KCND2: variants seen among roughly 807,000 people sequenced by gnomAD.
KCND2 encodes potassium voltage-gated channel subfamily D member 2, also known as A-type voltage-gated potassium channel KCND2.
KCND2 carries 16 observed loss-of-function variants against 54.4 expected under a neutral mutation model. The observed-to-expected ratio is 0.29, with a 90% CI of 0.20 to 0.45. KCND2 has a LOEUF of 0.45. KCND2 is among the 20% of genes least tolerant of loss of function. KCND2 has a pLI of 1.00. For missense variants in KCND2, 486 were observed against 824.2 expected (o/e 0.59, Z 5.02); for synonymous variants, 317 against 310.7 (o/e 1.02, Z -0.21).
intron 1 of KCND2, among the ~76,000 whole-genome samples, chr7:120,334,644 A>G (rs1010721354): frequency 6.6e-6 from 1 of 152,186 alleles, no homozygotes; most frequent in African/African-American, 2.4e-5. Flanking sequence ...AGCATCATAG[A>G]TGGTATGCCA....
intron 1 of KCND2, among the ~76,000 whole-genome samples, chr7:120,662,215 C>T (rs1449710233): frequency 1.3e-5 from 2 of 152,066 alleles, no homozygotes; most frequent in Non-Finnish European, 2.9e-5. Context: ...AGTTTTTATC[C>T]TTGTCTACAC....
At chr7:120,425,915 C>G (rs1352943518) in intron 1 of KCND2, among the ~76,000 whole-genome samples, 2 of 151,292 alleles carry the variant, frequency 1.3e-5, no homozygotes, top group Non-Finnish European at 2.9e-5. Flanking sequence ...CCTCTTTCTC[C>G]TATGTTATTT....
chr7:120,429,210 C>A (rs1801757624), intron 1 of KCND2, among the ~76,000 whole-genome samples: 1 of 152,112 alleles, frequency 6.6e-6, no homozygotes, highest in African/African-American at 2.4e-5. Flanking sequence ...GATGTTATTT[C>A]TTTCCAAGAT....
At chr7:120,511,476 A>T (rs1803114404) in intron 1 of KCND2, among the ~76,000 whole-genome samples, 1 of 152,158 alleles carries the variant, frequency 6.6e-6, no homozygotes. Flanking sequence ...TGAATAATTA[A>T]TGAACAAATC....
At chr7:120,309,466 T>TACACAC (rs1194649529) in intron 1 of KCND2, among the ~76,000 whole-genome samples, 3 of 119,934 alleles carry the variant, frequency 2.5e-5, no homozygotes, top group Non-Finnish European at 3.5e-5. Context: ...TATATATATA[T>TACACAC]ATATATATAC....
intron 1 of KCND2, among the ~76,000 whole-genome samples, chr7:120,523,581 A>G (rs1791728324): frequency 6.7e-6 from 1 of 149,306 alleles, no homozygotes; most frequent in Admixed American, 6.7e-5. Context: ...AAAAAAAAAC[A>G]TACACACACA....
chr7:120,733,050 A>G lies in KCND2; in HGVS notation c.1263A>G (p.Lys421=). The change falls in exon 2 of 6, where the codon AAA becomes AAG. Residue 421 remains lysine (K), a synonymous_variant. Transcript: ENST00000331113. The stretch of plus-strand genomic sequence containing the variant: ...ACCACCAGAATCAACGAGCAGACAA[A>G]CGAAGGGCACAAAAGGTGCGTATTC... ...RIYHQNQRAD[K]RRAQKKARLA... 6.2e-7 allele frequency: 1 copy of G among 1,613,498 alleles called. No homozygotes were observed. The highest frequency in any genetic ancestry group is 8.5e-7 in the Non-Finnish European group (1 of 1,179,638).
intron 1 of KCND2, among the ~76,000 whole-genome samples, chr7:120,732,568 G>C (rs1584900278): frequency 6.6e-6 from 1 of 152,150 alleles, no homozygotes; most frequent in Non-Finnish European, 1.5e-5. Context: ...TTTCAGCATA[G>C]AATTATTGAG....
chr7:120,452,242 T>C (rs777217715), intron 1 of KCND2, among the ~76,000 whole-genome samples: 13 of 152,232 alleles, frequency 8.5e-5, no homozygotes, highest in Non-Finnish European at 1.5e-4. Flanking sequence ...TCTGCATCCT[T>C]GTGCAAGTTA....
intron 1 of KCND2, among the ~76,000 whole-genome samples, chr7:120,324,211 A>G (rs1262381376): frequency 6.7e-6 from 1 of 150,154 alleles, no homozygotes; most frequent in African/African-American, 2.5e-5. Context: ...CCTTTGTCAG[A>G]TGAGTAGGTT....
chr7:120,501,003 A>G (rs1802923402), intron 1 of KCND2, among the ~76,000 whole-genome samples: 1 of 152,006 alleles, frequency 6.6e-6, no homozygotes, highest in Admixed American at 6.6e-5. Flanking sequence ...AAAAAATACA[A>G]TGTCTACTCT....
intron 1 of KCND2, among the ~76,000 whole-genome samples, chr7:120,424,593 T>C (rs1055446302): frequency 6.6e-6 from 1 of 152,222 alleles, no homozygotes; most frequent in African/African-American, 2.4e-5. Flanking sequence ...ATATTTGATA[T>C]GGAGCTGTAG....
At chr7:120,478,732 A>T (rs1188143894) in intron 1 of KCND2, among the ~76,000 whole-genome samples, 5 of 152,270 alleles carry the variant, frequency 3.3e-5, no homozygotes, top group Non-Finnish European at 7.4e-5. Flanking sequence ...CTCTATAGCA[A>T]TTCCTTTACT....
intron 1 of KCND2, among the ~76,000 whole-genome samples, chr7:120,506,160 A>G (rs1803014247): frequency 6.6e-6 from 1 of 151,732 alleles, no homozygotes. Flanking sequence ...GAGGAAATAC[A>G]TAGAGAGTAG....
chr7:120,458,701 T>C (rs1217796738), intron 1 of KCND2, among the ~76,000 whole-genome samples: 1 of 152,140 alleles, frequency 6.6e-6, no homozygotes, highest in Non-Finnish European at 1.5e-5. Flanking sequence ...TAACTTTAAA[T>C]CAATAATCTG....
intron 1 of KCND2, among the ~76,000 whole-genome samples, chr7:120,449,900 G>A (rs933337584): frequency 4.6e-5 from 7 of 152,174 alleles, no homozygotes; most frequent in East Asian, 1.9e-4. Flanking sequence ...GTATCACTGC[G>A]ATCACTCTTT....
chr7:120,327,198 G>C (rs1328212664), intron 1 of KCND2, among the ~76,000 whole-genome samples: 1 of 152,036 alleles, frequency 6.6e-6, no homozygotes. Flanking sequence ...TTAAGAGTGT[G>C]AGTTTGAGTA....
chr7:120,628,332 C>T (rs552434537), intron 1 of KCND2, among the ~76,000 whole-genome samples: 1 of 152,306 alleles, frequency 6.6e-6, no homozygotes, highest in South Asian at 2.1e-4. Flanking sequence ...AGCCAGGTCA[C>T]TTTTGGGGTG....
chr7:120,602,236 T>C (rs1268801922), intron 1 of KCND2, among the ~76,000 whole-genome samples: 1 of 152,250 alleles, frequency 6.6e-6, no homozygotes, highest in African/African-American at 2.4e-5. Context: ...AAATGGGTTA[T>C]TATGAAAAAT....
Sources: gnomAD v4.1 joint callset for allele counts (sites outside exome capture counted in the v4.1 genomes callset) on GRCh38, gnomAD v4.1.1 for gene constraint, MANE v1.5 for transcripts, NCBI Gene and HGNC (gene_info 2026-07-23, HGNC 2026-07-21) for gene names.